The following ICE2 variants were observed in gnomAD, a reference collection of about 807,000 sequenced individuals.
ICE2 encodes the protein interactor of little elongation complex ELL subunit 2.
ICE2 carries 87 observed loss-of-function variants against 105.4 expected under a neutral mutation model. The ratio of observed to expected loss-of-function variants is 0.83; its 90% CI spans 0.69 to 0.99. The LOEUF is 0.99. Ranked by LOEUF, ICE2 falls within the 50% of genes least tolerant of loss-of-function variation. ICE2 has a pLI of 0.00. For synonymous variants in ICE2, 399 were observed against 392.0 expected (o/e 1.02, Z -0.21); for missense variants, 1,323 against 1,146.7 (o/e 1.15, Z -2.22).
intron 15 of ICE2, 40 bp from the exon 16 acceptor site, chr15:60,423,802 T>TACA: frequency 1.3e-6 from 2 of 1,520,028 alleles, no homozygotes; most frequent in Non-Finnish European, 1.8e-6. Context: ...TTAATGTATC[T>TACA]ACAACATACC....
intron 13 of ICE2, among the ~76,000 whole-genome samples, chr15:60,432,459 G>A (rs1322794416): frequency 6.6e-6 from 1 of 151,600 alleles, no homozygotes; most frequent in Non-Finnish European, 1.5e-5. Flanking sequence ...CAAAGTGCTG[G>A]GATTACAGGC....
chr15:60,429,204 A>G (rs1039022976), intron 14 of ICE2, among the ~76,000 whole-genome samples: 1 of 152,248 alleles, frequency 6.6e-6, no homozygotes, highest in Non-Finnish European at 1.5e-5. Context: ...GATAACAGAA[A>G]CAATAGCAGC....
chr15:60,466,642 A>G lies in ICE2; in HGVS notation c.480T>C (p.Cys160=). ...LKFLQNSAKK[C]AQDYNMLSDD... ...CAGAAAGCATATTATAATCCTGCGC[A>G]CATTTCTTTGCAGAATTCTGCAAAA... Residue 160 remains cysteine, a synonymous_variant, in exon 5 of 16, where the codon TGT becomes TGC. Coordinates refer to ENST00000261520, the MANE Select transcript of ICE2 (RefSeq NM_024611.6). 6.2e-7 allele frequency: 1 copy of G among 1,611,928 alleles called. No individual in the cohort carries two copies. Among genetic ancestry groups the G allele is most frequent in the East Asian group, 2.2e-5 (1 of 44,802 alleles).
At chr15:60,463,726 T>C (rs1198640641) in intron 5 of ICE2, among the ~76,000 whole-genome samples, 2 of 152,090 alleles carry the variant, frequency 1.3e-5, no homozygotes, top group Non-Finnish European at 1.5e-5. Flanking sequence ...GCTGAGATCG[T>C]GCCATTGCAC....
At chr15:60,478,709 G>T (rs1277467064) in intron 1 of ICE2, 2 of 341,728 alleles carry the variant, frequency 5.9e-6, no homozygotes, top group African/African-American at 4.4e-5. Context: ...GGCCCGACCG[G>T]CTCCCACTTA....
Position 60,447,977 on chromosome 15 carries a change from A to G in ICE2, c.2288T>C (p.Ile763Thr). 6.2e-7 allele frequency: 1 copy of G among 1,607,578 alleles called. No individual in the cohort carries two copies. Among genetic ancestry groups the G allele is most frequent in the Non-Finnish European group, 8.5e-7 (1 of 1,177,848 alleles). The part of the protein sequence containing the change: ...TRPRSKKRKK[I>T]RRQFPVYVLP... ...CCGCAAATAACAACTTACTCTTCTG[A>G]TTTTCTTCCGTTTTTTAGAACGTGG... The change falls in exon 11 of 16, where the codon ATC becomes ACC. Residue 763 changes from isoleucine (I) to threonine (T), a missense_variant. By Grantham distance (89) the Ile-to-Thr change is moderately conservative (BLOSUM62 -1). Coordinates refer to ENST00000261520, the MANE Select transcript of ICE2 (RefSeq NM_024611.6).
chr15:60,432,181 CTT>C (rs35081421), intron 13 of ICE2, among the ~76,000 whole-genome samples, 197 bp from the exon 14 acceptor site: 77 of 110,608 alleles, frequency 7.0e-4, no homozygotes, highest in Non-Finnish European at 5.2e-4. Context: ...AAAAAATTTC[CTT>C]TTTTTTTTTT....
chr15:60,452,021 G>C, intron 9 of ICE2: 1 of 877,912 alleles, frequency 1.1e-6, no homozygotes, highest in Non-Finnish European at 1.4e-6. Context: ...TAAAAGGAGG[G>C]TCCAAATTAC....
chr15:60,438,599 A>T (rs1326424622), intron 12 of ICE2: 3 of 152,252 alleles, frequency 2.0e-5, no homozygotes. Context: ...CTTTGAGAAG[A>T]CTAATAGTTC....
rs559027997 is a variant in ICE2, at chr15:60,448,884, A to G, written c.2083T>C (p.Ser695Pro). Residue 695 changes from serine to proline, a missense_variant, in exon 10 of 16, where the codon TCT (serine) becomes CCT (proline). By Grantham distance (74) the Ser-to-Pro change is moderately conservative (BLOSUM62 -1). Coordinates refer to ENST00000261520, the MANE Select transcript of ICE2 (RefSeq NM_024611.6). ...GPSDSSSWPK[S>P]GWPSAFQKPK... ...TTCTGAAATGCAGAAGGCCATCCAG[A>G]TTTCGGCCAACTAGAGGAGTCTGAA... 1.2e-6 allele frequency: 2 copies of G among 1,600,246 alleles called. No individual in the cohort carries two copies. Among genetic ancestry groups the G allele is most frequent in the East Asian group, 4.5e-5 (2 of 44,812 alleles).
chr15:60,444,999 T>C (rs2063792867), intron 11 of ICE2, among the ~76,000 whole-genome samples: 1 of 152,204 alleles, frequency 6.6e-6, no homozygotes, highest in South Asian at 2.1e-4. Flanking sequence ...CTCTTTATTT[T>C]ATCCCATCAC....
In ICE2 at chr15:60,479,057, C is replaced by T. The variant is rs1410670305; in HGVS notation, c.-147G>A. The T allele has an allele frequency of 2.2e-6, 1 of 454,872 alleles. No homozygotes were observed. Among genetic ancestry groups the T allele is most frequent in the African/African-American group, 2.0e-5 (1 of 50,040 alleles). 28.2% of individuals were successfully genotyped at this position (454,872 alleles called of 1,614,324 possible). A position where few individuals can be genotyped will look rare whatever the true frequency, so the allele number is the denominator to read the frequency against. On this transcript the variant is annotated 5_prime_UTR_variant, in exon 1 of 16. Transcript: ENST00000261520. ...CCGCAGCCACACACCACACACGCTCCACCCCACTCCTCACATTGTCGCGCG... is the reference window on the plus strand; with the variant it reads ...CCGCAGCCACACACCACACACGCTCTACCCCACTCCTCACATTGTCGCGCG...
In ICE2 at chr15:60,479,057, C is replaced by A. The variant is rs1410670305; in HGVS notation, c.-147G>T. 2 of 454,872 alleles carry A rather than the reference C, an allele frequency of 4.4e-6. No individual in the cohort carries two copies. The highest frequency in any genetic ancestry group is 4.0e-5 in the African/African-American group (2 of 50,040). 28.2% of individuals were successfully genotyped at this position (454,872 alleles called of 1,614,324 possible). On this transcript the variant is annotated 5_prime_UTR_variant, in exon 1 of 16. The change creates a premature stop within an existing upstream ORF in the 5' untranslated region. Transcript: ENST00000261520. ...CCGCAGCCACACACCACACACGCTC[C>A]ACCCCACTCCTCACATTGTCGCGCG... is the stretch of plus-strand genomic sequence containing the variant.
At chr15:60,429,128 T>C (rs1048335761) in intron 14 of ICE2, among the ~76,000 whole-genome samples, 2 of 152,148 alleles carry the variant, frequency 1.3e-5, no homozygotes. Context: ...CTACACTGAG[T>C]AGTTTAAAAT....
rs763031538 is a variant in ICE2 at position 60,478,062 on chromosome 15, T to G, written c.-85A>C. The G allele has an allele frequency of 1.3e-5, 17 of 1,268,636 alleles. No individual in the cohort carries two copies. In the East Asian group the frequency reaches 3.7e-4, roughly 28 times the overall value. The allele number at this position is 1,268,636 out of a possible 1,614,324, so 78.6% of individuals were successfully genotyped here. A position where few individuals can be genotyped will look rare whatever the true frequency, so the allele number is the denominator to read the frequency against. On this transcript the variant is annotated 5_prime_UTR_variant, in exon 2 of 16. Coordinates refer to ENST00000261520, the MANE Select transcript of ICE2 (RefSeq NM_024611.6). ...CCAAGAGGCAGGATCCCTCCAGAAC[T>G]TACTCAGCTGAGTAAAAACAAAAGG...
At chr15:60,425,100 G>C (rs756070237) in intron 15 of ICE2, among the ~76,000 whole-genome samples, 2 of 152,140 alleles carry the variant, frequency 1.3e-5, no homozygotes, top group Non-Finnish European at 1.5e-5. Flanking sequence ...ATTGGCATTT[G>C]CTCCAAGGGG....
chr15:60,473,357 T>C (rs1257610974), intron 3 of ICE2, among the ~76,000 whole-genome samples: 1 of 151,992 alleles, frequency 6.6e-6, no homozygotes, highest in Non-Finnish European at 1.5e-5. Flanking sequence ...AGTGGCGTCA[T>C]CCTCGCTCAC....
Position 60,456,663 on chromosome 15 carries a change from G to T in ICE2, c.660C>A (p.Leu220=). The T allele has an allele frequency of 6.3e-7, 1 of 1,580,556 alleles. No homozygotes were observed. Among genetic ancestry groups the T allele is most frequent in the Non-Finnish European group, 8.6e-7 (1 of 1,166,026 alleles). Residue 220 remains leucine (L), a synonymous_variant, in exon 6 of 16, where the codon CTC becomes CTA. Coordinates refer to ENST00000261520, the MANE Select transcript of ICE2 (RefSeq NM_024611.6). ...EMGLKLEKTL[L]ALGSVKYVKT... ...GTCTGATAATAAACCTTACCAATGC[G>T]AGAAGAGTTTTTTCTAACTTTAATC...
chr15:60,448,898 G>C lies in ICE2; in HGVS notation c.2069C>G (p.Ser690Cys). 6.2e-7 allele frequency: 1 copy of C among 1,611,122 alleles called. No individual in the cohort carries two copies. Among genetic ancestry groups the C allele is most frequent in the Non-Finnish European group, 8.5e-7 (1 of 1,179,168 alleles). ...AGGCCATCCAGATTTCGGCCAACTAGAGGAGTCTGAAGGACCAGACAATTG... is the reference window on the plus strand; with the variant it reads ...AGGCCATCCAGATTTCGGCCAACTACAGGAGTCTGAAGGACCAGACAATTG... ...SEQLSGPSDS[S>C]SWPKSGWPSA... The change falls in exon 10 of 16, where the codon TCT becomes TGT. Residue 690 changes from serine to cysteine, a missense_variant. Ser to Cys is a moderately radical substitution (Grantham distance 112, BLOSUM62 -1). Transcript: ENST00000261520.
Sources: allele counts gnomAD v4.1 joint callset (sites outside exome capture counted in the v4.1 genomes callset), GRCh38; gene constraint gnomAD v4.1.1; transcripts MANE v1.5; gene names NCBI Gene and HGNC (gene_info 2026-07-23, HGNC 2026-07-21).